Variants in SMS observed in about 807,000 individuals in gnomAD.
The protein encoded by SMS is spermine synthase, also known as spermidine aminopropyltransferase.
In SMS, 3 loss-of-function variants were observed where a neutral mutation model predicts 33.0. The ratio of observed to expected loss-of-function variants is 0.09; its 90% CI spans 0.04 to 0.23. The LOEUF (loss-of-function observed/expected upper bound fraction) is 0.23, where lower values mean the gene tolerates loss of function less well. SMS is among the 10% of genes least tolerant of loss of function. SMS has a pLI of 1.00. For missense variants in SMS, 117 were observed against 288.6 expected (o/e 0.41, Z 4.31); for synonymous variants, 103 against 112.2 (o/e 0.92, Z 0.52).
intron 1 of SMS, among the ~76,000 whole-genome samples, chrX:21,954,458 CA>C (rs1922838713): frequency 8.9e-6 from 1 of 112,436 alleles, no homozygotes; most frequent in East Asian, 2.8e-4. Flanking sequence ...TACAGATTTC[CA>C]AGCCCTTCAC....
intron 1 of SMS, among the ~76,000 whole-genome samples, chrX:21,949,247 C>G (rs972270068): frequency 8.9e-5 from 10 of 112,144 alleles, no homozygotes; most frequent in Admixed American, 3.8e-4. Flanking sequence ...CATGAAGGTG[C>G]TAATGATACT....
chrX:21,988,352 C>G (rs1055079122), intron 9 of SMS, among the ~76,000 whole-genome samples: 2 of 111,216 alleles, frequency 1.8e-5, no homozygotes, highest in East Asian at 5.7e-4. Flanking sequence ...CCCGCTTTGC[C>G]CAAGTGTGCA....
At chrX:21,969,938 C>G (rs1924012196) in intron 2 of SMS, among the ~76,000 whole-genome samples, 1 of 112,590 alleles carries the variant, frequency 8.9e-6, no homozygotes, top group African/African-American at 3.2e-5. Flanking sequence ...CTCAGCCTTC[C>G]AAGTGGCTGG....
chrX:21,944,805 C>A (rs1345770437), intron 1 of SMS, among the ~76,000 whole-genome samples: 1 of 110,785 alleles, frequency 9.0e-6, no homozygotes, highest in Admixed American at 9.6e-5. Context: ...TGATGAAACC[C>A]TATCTCTACT....
intron 9 of SMS, among the ~76,000 whole-genome samples, chrX:21,991,671 A>G (rs1925770170): frequency 8.9e-6 from 1 of 112,621 alleles, no homozygotes; most frequent in African/African-American, 3.2e-5. Context: ...CCAAATCTAC[A>G]TTTTAACAAG....
At chrX:21,965,792 A>C (rs1031574356) in intron 1 of SMS, among the ~76,000 whole-genome samples, 5 of 109,817 alleles carry the variant, frequency 4.6e-5, no homozygotes, top group African/African-American at 1.3e-4. Flanking sequence ...ATAAAAAAAA[A>C]CAAATAAATA....
intron 7 of SMS, among the ~76,000 whole-genome samples, chrX:21,980,429 A>AAT (rs1187267102): frequency 0.019 from 1,192 of 62,915 alleles, 25 homozygotes; most frequent in African/African-American, 0.029. Context: ...AAAAAAAAAA[A>AAT]ATATATATAT....
intron 9 of SMS, among the ~76,000 whole-genome samples, chrX:21,986,771 G>A (rs777501709): frequency 7.1e-4 from 80 of 112,136 alleles, no homozygotes; most frequent in Non-Finnish European, 1.4e-3. Flanking sequence ...TTGCATGTTT[G>A]TAAAGTTTTC....
chrX:21,978,319 A>C (rs1342639831), intron 6 of SMS, among the ~76,000 whole-genome samples: 1 of 111,828 alleles, frequency 8.9e-6, no homozygotes, highest in Non-Finnish European at 1.9e-5. Flanking sequence ...TCATGCCTGT[A>C]ATCCTAGCAC....
chrX:21,982,820 T>A (rs141319691), intron 7 of SMS, among the ~76,000 whole-genome samples: 62 of 112,385 alleles, frequency 5.5e-4, no homozygotes, highest in African/African-American at 2.0e-3. Flanking sequence ...GGAAAAAATA[T>A]GAGCATATCA....
chrX:21,978,846 A>G (rs1162041326), intron 6 of SMS, 31 bp from the exon 7 acceptor site: 2 of 1,017,903 alleles, frequency 2.0e-6, no homozygotes, highest in Non-Finnish European at 2.8e-6. Context: ...ATTCTTTGAT[A>G]TACCCAAATT....
intron 1 of SMS, among the ~76,000 whole-genome samples, chrX:21,954,634 G>A (rs947472741): frequency 9.0e-6 from 1 of 111,725 alleles, no homozygotes; most frequent in Non-Finnish European, 1.9e-5. Flanking sequence ...GTTGAATGTG[G>A]TCTTGGCTAA....
chrX:21,991,769 A>G (rs769190483), intron 9 of SMS, among the ~76,000 whole-genome samples: 9 of 112,363 alleles, frequency 8.0e-5, no homozygotes, highest in African/African-American at 2.9e-4. Context: ...CAGCTCTGCT[A>G]TACCTTGGCT....
At chrX:21,970,092 A>G (rs752541732) in intron 2 of SMS, among the ~76,000 whole-genome samples, 10 of 112,961 alleles carry the variant, frequency 8.9e-5, no homozygotes, top group Non-Finnish European at 1.9e-4. Context: ...GATTACAGGC[A>G]TGAGCCACCG....
At chrX:21,947,283 A>G (rs772987476) in intron 1 of SMS, among the ~76,000 whole-genome samples, 151 of 111,542 alleles carry the variant, frequency 1.4e-3, no homozygotes, top group African/African-American at 4.6e-3. Context: ...TGCTTTAACA[A>G]TGCAGCCTTT....
intron 2 of SMS, 103 bp from the exon 3 acceptor site, chrX:21,971,792 TAA>T (rs924208890): frequency 1.7e-6 from 1 of 572,821 alleles, no homozygotes; most frequent in Admixed American, 2.7e-5. Flanking sequence ...TTTGGGGAAA[TAA>T]AGAGCAGTGG....
At chrX:21,946,486 A>G (rs1241651009) in intron 1 of SMS, among the ~76,000 whole-genome samples, 5 of 112,448 alleles carry the variant, frequency 4.4e-5, no homozygotes, top group African/African-American at 1.6e-4. Flanking sequence ...TTTTAAAGAC[A>G]AATAAATAGG....
intron 9 of SMS, among the ~76,000 whole-genome samples, chrX:21,988,711 G>A (rs1174499144): frequency 9.6e-6 from 1 of 104,129 alleles, no homozygotes; most frequent in African/African-American, 3.5e-5. Flanking sequence ...GTTAAGGGTG[G>A]GATGAAAATG....
intron 1 of SMS, among the ~76,000 whole-genome samples, chrX:21,950,012 T>G (rs1378723830): frequency 9.0e-6 from 1 of 111,344 alleles, no homozygotes; most frequent in Non-Finnish European, 1.9e-5. Flanking sequence ...ATATTCAACG[T>G]GTATTTTCAG....
Sources: gnomAD v4.1 joint callset for allele counts (sites outside exome capture counted in the v4.1 genomes callset) on GRCh38, gnomAD v4.1.1 for gene constraint, MANE v1.5 for transcripts, NCBI Gene and HGNC (gene_info 2026-07-23, HGNC 2026-07-21) for gene names.